KIRREL3: variants seen among roughly 807,000 people sequenced by gnomAD.
The protein encoded by KIRREL3 is kirre like nephrin family adhesion molecule 3, also known as kin of IRRE-like protein 3.
A neutral mutation model predicts 89.7 loss-of-function variants in KIRREL3; 36 were observed. The ratio of observed to expected loss-of-function variants is 0.40; its 90% CI spans 0.31 to 0.53. The LOEUF (loss-of-function observed/expected upper bound fraction) is 0.53, where lower values mean the gene tolerates loss of function less well. Among genes scored for constraint, KIRREL3 ranks in the 20% least tolerant of loss-of-function variants. KIRREL3 has a pLI of 0.49. For synonymous variants in KIRREL3, 445 were observed against 441.4 expected (o/e 1.01, Z -0.10); for missense variants, 864 against 1,056.6 (o/e 0.82, Z 2.53).
Position 126,791,511 on chromosome 11 carries a change from C to A in KIRREL3, c.55+208944G>T, listed in dbSNP as rs978857202. ...TGTGCAGATCCATCTCCTTTTCTTG[C>A]CCTTCTTTCCAAAGAAATGAATTCA... On this transcript the variant is annotated intron_variant, in intron 1 of 16. Transcript: ENST00000525144. This position sits in a 1 kb window ranked among gnomAD's most constrained non-coding sequence, Gnocchi z 4.8. Among the ~76,000 whole-genome samples, 2 of 152,186 alleles carry A rather than the reference C, an allele frequency of 1.3e-5. No individual in the cohort carries two copies. Among genetic ancestry groups the A allele is most frequent in the Admixed American group, 1.3e-4 (2 of 15,288 alleles).
rs1024133366 is a variant in KIRREL3, at chr11:126,471,028, G to T, written c.591+2281C>A. 2.0e-5 allele frequency among the ~76,000 whole-genome samples: 3 copies of T among 152,160 alleles called. No individual in the cohort carries two copies. The highest frequency in any genetic ancestry group is 4.8e-5 in the African/African-American group (2 of 41,424). Reference sequence around the variant, plus strand: ...AGAATTTTGTTTTTATTCAGGTAGAGGGAGGCCAACAGATCAGGAGACAAC... The same window carrying T: ...AGAATTTTGTTTTTATTCAGGTAGATGGAGGCCAACAGATCAGGAGACAAC... On this transcript the variant is annotated intron_variant, in intron 5 of 16. Coordinates refer to ENST00000525144, the MANE Select transcript of KIRREL3 (RefSeq NM_032531.4). The surrounding 1 kb of genome is among the most constrained non-coding windows in gnomAD (Gnocchi z 5.4).
At chr11:126,967,902 C>CA in intron 1 of KIRREL3, among the ~76,000 whole-genome samples, 1 of 152,140 alleles carries the variant, frequency 6.6e-6, no homozygotes, top group Non-Finnish European at 1.5e-5. Flanking sequence ...TTACCCTGCC[C>CA]AAAATATCAA....
In KIRREL3 at chr11:126,564,133, T is replaced by C. The variant is rs1940338669; in HGVS notation, c.56-1221A>G. On this transcript the variant is annotated intron_variant, in intron 1 of 16. Coordinates refer to ENST00000525144, the MANE Select transcript of KIRREL3 (RefSeq NM_032531.4). This position sits in a 1 kb window ranked among gnomAD's most constrained non-coding sequence, Gnocchi z 7.4. ...GGGTTTCTGGGCTCCTCCCTGCTCC[T>C]TCCTTTGATTTCTCAGAGAAAGAGG... 6.6e-6 allele frequency among the ~76,000 whole-genome samples: 1 copy of C among 152,258 alleles called. No individual in the cohort carries two copies. Among genetic ancestry groups the C allele is most frequent in the Non-Finnish European group, 1.5e-5 (1 of 68,044 alleles).
Position 126,811,532 on chromosome 11 carries a change from C to T in KIRREL3, c.55+188923G>A, listed in dbSNP as rs1420401491. Among the ~76,000 whole-genome samples the T allele has an allele frequency of 2.6e-5, 4 of 152,214 alleles. No homozygotes were observed. The highest frequency in any genetic ancestry group is 5.9e-5 in the Non-Finnish European group (4 of 68,044). ...CCTGTGCATTGGACGGGGACGGTGCCAGCTACAGCTGACCCTTCCCTCACA... is the reference window on the plus strand; with the variant it reads ...CCTGTGCATTGGACGGGGACGGTGCTAGCTACAGCTGACCCTTCCCTCACA... On this transcript the variant is annotated intron_variant, in intron 1 of 16. Coordinates refer to ENST00000525144, the MANE Select transcript of KIRREL3 (RefSeq NM_032531.4). This position sits in a 1 kb window ranked among gnomAD's most constrained non-coding sequence, Gnocchi z 4.3.
chr11:126,903,504 T>G lies in KIRREL3; in HGVS notation c.55+96951A>C, dbSNP rs1057232745. On this transcript the variant is annotated intron_variant, in intron 1 of 16. Coordinates refer to ENST00000525144, the MANE Select transcript of KIRREL3 (RefSeq NM_032531.4). This position sits in a 1 kb window ranked among gnomAD's most constrained non-coding sequence, Gnocchi z 4.5. ...AAGGAGAGCTGAGCGTTTTTCCGAC[T>G]TAGCTTTTCTTTCTCTAACCCTTTT... Among the ~76,000 whole-genome samples the G allele has an allele frequency of 2.0e-5, 3 of 152,210 alleles. No individual in the cohort carries two copies. The highest frequency in any genetic ancestry group is 7.2e-5 in the African/African-American group (3 of 41,458).
chr11:126,921,974 TCTA>T (rs1565420397), intron 1 of KIRREL3, among the ~76,000 whole-genome samples: 1 of 145,460 alleles, frequency 6.9e-6, no homozygotes, highest in East Asian at 2.0e-4. Flanking sequence ...TATCTATCTA[TCTA>T]TCTATCTATC....
Position 126,912,729 on chromosome 11 carries a change from C to T in KIRREL3, c.55+87726G>A, listed in dbSNP as rs1243734926. Among the ~76,000 whole-genome samples, 1 of 152,234 alleles carries T rather than the reference C, an allele frequency of 6.6e-6. No homozygotes were observed. Among genetic ancestry groups the T allele is most frequent in the African/African-American group, 2.4e-5 (1 of 41,460 alleles). On this transcript the variant is annotated intron_variant, in intron 1 of 16. Transcript: ENST00000525144. The surrounding 1 kb of genome is among the most constrained non-coding windows in gnomAD (Gnocchi z 4.7). ...TCAAATGTGAGGCACAACAGAGCAT[C>T]CTGCTGTATCAGCCTAATTACCAGC...
rs1549558 is a variant in KIRREL3 at position 126,615,287 on chromosome 11, C to T, written c.56-52375G>A. Among the ~76,000 whole-genome samples, 5,260 of 152,268 alleles carry T rather than the reference C, an allele frequency of 0.035. 304 individuals are homozygous for T. Among genetic ancestry groups the T allele is most frequent in the African/African-American group, 0.12 (5,014 of 41,538 alleles). Reference sequence around the variant, plus strand: ...CTAATCCAGTTCCTGGCACAGTCCTCAATAAATGTTTATTGTCATTCCTGT... The same window carrying T: ...CTAATCCAGTTCCTGGCACAGTCCTTAATAAATGTTTATTGTCATTCCTGT... On this transcript the variant is annotated intron_variant, in intron 1 of 16. Transcript: ENST00000525144. The surrounding 1 kb of genome is among the most constrained non-coding windows in gnomAD (Gnocchi z 5.4).
At chr11:126,967,859 A>C (rs1046113467) in intron 1 of KIRREL3, among the ~76,000 whole-genome samples, 3 of 152,110 alleles carry the variant, frequency 2.0e-5, no homozygotes, top group Non-Finnish European at 2.9e-5. Context: ...TAAACCTCTT[A>C]CAATGCACAA....
rs1380481997 is a variant in KIRREL3, at chr11:126,442,277, AAAAAAAC to A, written c.1253-1735_1253-1729del. Among the ~76,000 whole-genome samples the A allele has an allele frequency of 1.4e-3, 205 of 142,346 alleles. 22 individuals are homozygous for A. Among genetic ancestry groups the A allele is most frequent in the Non-Finnish European group, 2.2e-3 (146 of 66,208 alleles). 93.4% of individuals were successfully genotyped at this position (142,346 alleles called of 152,430 possible). On this transcript the variant is annotated intron_variant, in intron 10 of 16. Coordinates refer to ENST00000525144, the MANE Select transcript of KIRREL3 (RefSeq NM_032531.4). ...CTCCAGCTCAAAAAAAAAAAACAAAAAAAAAACAAAAAACCCAACATGCACAGACACA... is the reference window on the plus strand; with the variant it reads ...CTCCAGCTCAAAAAAAAAAAACAAAAAAAAAACCCAACATGCACAGACACA...
intron 1 of KIRREL3, among the ~76,000 whole-genome samples, chr11:126,583,440 T>C (rs1052534374): frequency 1.1e-4 from 16 of 152,138 alleles, no homozygotes; most frequent in African/African-American, 3.6e-4. Context: ...ACTGAACCAA[T>C]GATAACACCC....
At chr11:126,434,999 C>G (rs938520811) in intron 13 of KIRREL3, among the ~76,000 whole-genome samples, 1 of 152,054 alleles carries the variant, frequency 6.6e-6, no homozygotes. Flanking sequence ...AGGAATGGAG[C>G]GGGGACGAGC....
At chr11:126,436,712 C>T in intron 12 of KIRREL3, 99 bp downstream of exon 12, 1 of 1,305,632 alleles carries the variant, frequency 7.7e-7, no homozygotes, top group Non-Finnish European at 1.1e-6. Flanking sequence ...GTCCTTGGGC[C>T]CTGGCCCACC....
intron 4 of KIRREL3, among the ~76,000 whole-genome samples, chr11:126,506,963 C>T (rs1161979801): frequency 6.6e-6 from 1 of 152,110 alleles, no homozygotes; most frequent in East Asian, 1.9e-4. Flanking sequence ...TGGAAACAAT[C>T]CGACTGTCTG....
At chr11:126,435,129 C>G (rs1330167973) in intron 13 of KIRREL3, 139 bp downstream of exon 13, 3 of 906,872 alleles carry the variant, frequency 3.3e-6, no homozygotes, top group Non-Finnish European at 3.5e-6. Context: ...TTTGTCTACA[C>G]TAAACCCTCA....
In KIRREL3 at chr11:126,780,013, TG is replaced by T. The variant is rs1950279703; in HGVS notation, c.56-217102del. On this transcript the variant is annotated intron_variant, in intron 1 of 16. Coordinates refer to ENST00000525144, the MANE Select transcript of KIRREL3 (RefSeq NM_032531.4). This position sits in a 1 kb window ranked among gnomAD's most constrained non-coding sequence, Gnocchi z 5.3. ...GAAAGCTCGGCTGAGTCTGGCTCTG[TG>T]GCTTCAACAGGGAGCCCCACGCTGT... 2.6e-5 allele frequency among the ~76,000 whole-genome samples: 4 copies of T among 152,130 alleles called. No individual in the cohort carries two copies. Among genetic ancestry groups the T allele is most frequent in the Middle Eastern group, 3.4e-3 (1 of 294 alleles).
At chr11:126,798,988 A>AGT (rs1359763172) in intron 1 of KIRREL3, among the ~76,000 whole-genome samples, 1 of 151,882 alleles carries the variant, frequency 6.6e-6, no homozygotes, top group Non-Finnish European at 1.5e-5. Flanking sequence ...ACCAAGTGTG[A>AGT]GTGTGTGTAT....
At chr11:126,950,508 C>T (rs1020305422) in intron 1 of KIRREL3, among the ~76,000 whole-genome samples, 1 of 152,230 alleles carries the variant, frequency 6.6e-6, no homozygotes, top group Non-Finnish European at 1.5e-5. Flanking sequence ...TAACTCATTA[C>T]TTATCTTGGA....
intron 1 of KIRREL3, among the ~76,000 whole-genome samples, chr11:126,762,719 T>C (rs1442199812): frequency 1.3e-5 from 2 of 152,192 alleles, no homozygotes; most frequent in Non-Finnish European, 2.9e-5. Context: ...TTCAATGTTG[T>C]TAAGTTGAGC....
Sources: allele counts gnomAD v4.1 joint callset (sites outside exome capture counted in the v4.1 genomes callset), GRCh38; gene constraint gnomAD v4.1.1; non-coding constraint Gnocchi (gnomAD v3.1); transcripts MANE v1.5; gene names NCBI Gene and HGNC (gene_info 2026-07-23, HGNC 2026-07-21).